Variants in BRINP3 observed in about 807,000 individuals in gnomAD.
BRINP3 encodes the protein BMP/retinoic acid inducible neural specific 3.
A neutral mutation model predicts 71.0 loss-of-function variants in BRINP3; 19 were observed. That is an observed-to-expected ratio of 0.27 (90% CI 0.19 to 0.39). The LOEUF (loss-of-function observed/expected upper bound fraction) is 0.39, where lower values mean the gene tolerates loss of function less well. Among genes scored for constraint, BRINP3 ranks in the 10% least tolerant of loss-of-function variants. BRINP3 has a pLI of 1.00. For synonymous variants in BRINP3, 380 were observed against 337.7 expected, an observed-to-expected ratio of 1.13 and a Z score of -1.37; for missense variants, 959 against 940.8, an observed-to-expected ratio of 1.02 and a Z score of -0.25.
chr1:190,363,153 G>A (rs540057704), intron 2 of BRINP3, among the ~76,000 whole-genome samples: 9 of 152,214 alleles, frequency 5.9e-5, no homozygotes, highest in African/African-American at 2.2e-4. Flanking sequence ...ACATGGCAGG[G>A]AACTACGAGT....
At chr1:190,254,678 G>T (rs181629151) in intron 4 of BRINP3, among the ~76,000 whole-genome samples, 15 of 152,286 alleles carry the variant, frequency 9.8e-5, no homozygotes, top group Admixed American at 7.9e-4. Context: ...TTTGGGCTGA[G>T]ACGATGGGGT....
intron 2 of BRINP3, among the ~76,000 whole-genome samples, chr1:190,392,356 T>G (rs1671304592): frequency 6.6e-6 from 1 of 151,664 alleles, no homozygotes; most frequent in Non-Finnish European, 1.5e-5. Flanking sequence ...TTTCATTTAA[T>G]TCTCATAACA....
chr1:190,269,367 A>AAAT (rs1479213249), intron 3 of BRINP3, among the ~76,000 whole-genome samples: 2 of 152,150 alleles, frequency 1.3e-5, no homozygotes, highest in Non-Finnish European at 2.9e-5. Context: ...CAAAGGAAGG[A>AAAT]AATAATTCAT....
At chr1:190,219,299 G>T (rs553707159) in intron 6 of BRINP3, among the ~76,000 whole-genome samples, 6 of 152,010 alleles carry the variant, frequency 3.9e-5, no homozygotes, top group African/African-American at 1.2e-4. Flanking sequence ...TGATTTGTGA[G>T]CTCTCTGACC....
intron 7 of BRINP3, among the ~76,000 whole-genome samples, chr1:190,118,203 CA>C (rs1653313860): frequency 6.6e-6 from 1 of 151,728 alleles, no homozygotes; most frequent in Non-Finnish European, 1.5e-5. Context: ...AAATATTTAT[CA>C]AAAAATAGTC....
chr1:190,142,150 G>T (rs1292749550), intron 7 of BRINP3, among the ~76,000 whole-genome samples: 1 of 152,056 alleles, frequency 6.6e-6, no homozygotes, highest in Non-Finnish European at 1.5e-5. Context: ...CTTTATTAAT[G>T]GCAATCCACA....
intron 7 of BRINP3, among the ~76,000 whole-genome samples, chr1:190,104,369 G>A (rs1341120104): frequency 6.6e-6 from 1 of 152,000 alleles, no homozygotes; most frequent in Non-Finnish European, 1.5e-5. Flanking sequence ...ACAGTTGCAG[G>A]TAAAGCATTT....
chr1:190,248,902 ATAT>A (rs1659861827), intron 4 of BRINP3, among the ~76,000 whole-genome samples: 1 of 151,898 alleles, frequency 6.6e-6, no homozygotes, highest in South Asian at 2.1e-4. Context: ...ATTAAATAAT[ATAT>A]TATTCTCAAA....
intron 7 of BRINP3, chr1:190,153,876 A>G (rs565137298): frequency 6.4e-6 from 1 of 156,130 alleles, no homozygotes; most frequent in Admixed American, 6.5e-5. Flanking sequence ...TAAAGAAATA[A>G]TTTGGAGGCC....
intron 2 of BRINP3, among the ~76,000 whole-genome samples, chr1:190,426,612 G>A (rs965825417): frequency 6.6e-6 from 1 of 151,768 alleles, no homozygotes; most frequent in East Asian, 1.9e-4. Context: ...TCAGTCTGTA[G>A]AAGGAAATAC....
intron 4 of BRINP3, among the ~76,000 whole-genome samples, chr1:190,244,893 T>C (rs529232371): frequency 3.4e-4 from 52 of 152,238 alleles, no homozygotes; most frequent in African/African-American, 1.3e-3. Flanking sequence ...AATTCCATAT[T>C]TAATATTACT....
chr1:190,312,008 T>TA (rs1481617563), intron 2 of BRINP3, among the ~76,000 whole-genome samples: 2 of 125,110 alleles, frequency 1.6e-5, no homozygotes, highest in African/African-American at 5.7e-5. Flanking sequence ...CTAGAAAATA[T>TA]AAAAAATACA....
At chr1:190,376,678 T>C (rs1192393908) in intron 2 of BRINP3, among the ~76,000 whole-genome samples, 3 of 152,082 alleles carry the variant, frequency 2.0e-5, no homozygotes, top group Admixed American at 6.6e-5. Flanking sequence ...CATCAAACAT[T>C]ACTTTCTTCC....
intron 4 of BRINP3, among the ~76,000 whole-genome samples, chr1:190,236,625 C>A (rs1658544919): frequency 6.6e-6 from 1 of 151,946 alleles, no homozygotes; most frequent in Non-Finnish European, 1.5e-5. Flanking sequence ...ACCCCAACAA[C>A]TTTTAATTAT....
chr1:190,131,391 T>C (rs916195731), intron 7 of BRINP3, among the ~76,000 whole-genome samples: 1 of 152,132 alleles, frequency 6.6e-6, no homozygotes, highest in Middle Eastern at 3.4e-3. Flanking sequence ...TAACCATTTC[T>C]ATTCCACTAC....
intron 2 of BRINP3, among the ~76,000 whole-genome samples, chr1:190,310,075 A>G (rs1448845991): frequency 1.3e-5 from 2 of 149,550 alleles, no homozygotes; most frequent in African/African-American, 4.9e-5. Flanking sequence ...GTTTTAGTAT[A>G]TATGGACTCA....
chr1:190,149,541 T>C (rs887356024), intron 7 of BRINP3, among the ~76,000 whole-genome samples: 6 of 152,104 alleles, frequency 3.9e-5, no homozygotes. Context: ...ATGTATTAAA[T>C]ATATTGTTGA....
intron 2 of BRINP3, among the ~76,000 whole-genome samples, chr1:190,365,459 G>C (rs1258926738): frequency 2.0e-5 from 3 of 150,056 alleles, no homozygotes; most frequent in Non-Finnish European, 4.4e-5. Flanking sequence ...ATGGGAGATA[G>C]GTATTAAACA....
chr1:190,150,853 C>A (rs188674163), intron 7 of BRINP3, among the ~76,000 whole-genome samples: 1 of 152,104 alleles, frequency 6.6e-6, no homozygotes, highest in East Asian at 1.9e-4. Flanking sequence ...CTATCCCTGG[C>A]CACAACATTT....
Sources: allele counts gnomAD v4.1 joint callset (sites outside exome capture counted in the v4.1 genomes callset), GRCh38; gene constraint gnomAD v4.1.1; transcripts MANE v1.5; gene names NCBI Gene and HGNC (gene_info 2026-07-23, HGNC 2026-07-21).